The following RAPGEF1 variants were observed in gnomAD, a reference collection of about 807,000 sequenced individuals.
RAPGEF1 encodes the protein Rap guanine nucleotide exchange factor 1.
In RAPGEF1, 33 loss-of-function variants were observed where a neutral mutation model predicts 143.3. The ratio of observed to expected loss-of-function variants is 0.23; its 90% CI spans 0.17 to 0.31. RAPGEF1 has a LOEUF of 0.31. RAPGEF1 is among the 10% of genes least tolerant of loss of function. The probability of loss-of-function intolerance (pLI) is 1.00; values close to 1 mark genes in which losing one functional copy is unlikely to be tolerated. For synonymous variants in RAPGEF1, 629 were observed against 676.5 expected (o/e 0.93, Z 1.09); for missense variants, 1,199 against 1,645.4 (o/e 0.73, Z 4.69).
At chr9:131,589,382 C>T (rs571843172) in intron 19 of RAPGEF1, among the ~76,000 whole-genome samples, 35 of 152,354 alleles carry the variant, frequency 2.3e-4, no homozygotes, top group African/African-American at 7.2e-4. Context: ...ACTGTCCACA[C>T]GTGGCCATTT....
Position 131,641,537 on chromosome 9 carries a change from T to A in RAPGEF1, c.494+1702A>T, listed in dbSNP as rs1386483440. On this transcript the variant is annotated intron_variant, in intron 4 of 26. Coordinates refer to ENST00000683357, the MANE Select transcript of RAPGEF1 (RefSeq NM_001377935.1). This position sits in a 1 kb window ranked among gnomAD's most constrained non-coding sequence, Gnocchi z 4.6. ...AAACTCCAACACAGCTTCCTCCCTG[T>A]ACCGTAAAATAAGTGCTTTATCGTA... 6.6e-6 allele frequency among the ~76,000 whole-genome samples: 1 copy of A among 152,218 alleles called. No individual in the cohort carries two copies. The highest frequency in any genetic ancestry group is 1.5e-5 in the Non-Finnish European group (1 of 68,040).
intron 1 of RAPGEF1, among the ~76,000 whole-genome samples, chr9:131,723,815 A>G (rs1836441799): frequency 6.6e-6 from 1 of 152,118 alleles, no homozygotes; most frequent in Non-Finnish European, 1.5e-5. Context: ...TTGCTGGATC[A>G]TGTGGTAGTT....
chr9:131,664,227 T>TAC lies in RAPGEF1; in HGVS notation c.62-13280_62-13279dup, dbSNP rs540249882. The stretch of plus-strand genomic sequence containing the variant: ...CTCCAGAATCACCCCGTACCTTCCC[T>TAC]ACCCCATTTCTCCAGGAAATCAGCT... On this transcript the variant is annotated intron_variant, in intron 1 of 26. Coordinates refer to ENST00000683357, the MANE Select transcript of RAPGEF1 (RefSeq NM_001377935.1). Among the ~76,000 whole-genome samples, 19 of 152,278 alleles carry TAC rather than the reference T, an allele frequency of 1.2e-4. No individual in the cohort carries two copies. In the East Asian group the frequency reaches 3.7e-3, roughly 29 times the overall value.
At chr9:131,601,047 CTG>C (rs1956185333) in intron 15 of RAPGEF1, among the ~76,000 whole-genome samples, 2 of 151,958 alleles carry the variant, frequency 1.3e-5, no homozygotes, top group African/African-American at 2.4e-5. Flanking sequence ...TGGCACATGC[CTG>C]TAGTCCCAGC....
chr9:131,680,247 C>T (rs372400305), intron 1 of RAPGEF1, among the ~76,000 whole-genome samples: 21 of 152,340 alleles, frequency 1.4e-4, no homozygotes, highest in African/African-American at 5.1e-4. Context: ...TGTCTTACCA[C>T]TTTTTTCTAC....
At chr9:131,648,997 C>A (rs936318224) in intron 3 of RAPGEF1, among the ~76,000 whole-genome samples, 2 of 151,970 alleles carry the variant, frequency 1.3e-5, no homozygotes, top group Admixed American at 6.6e-5. Context: ...TATCTGTCTA[C>A]AAGGTTTATT....
rs1837646384 is a variant in RAPGEF1 at position 131,739,960 on chromosome 9, G to C, written c.-130C>G. On this transcript the variant is annotated 5_prime_UTR_variant, in exon 1 of 27. Coordinates refer to ENST00000683357, the MANE Select transcript of RAPGEF1 (RefSeq NM_001377935.1). ...GCGCGGCCGCGGCCCTGCGCTCGGC[G>C]ACCGCGCTCCAGCCCGCCCGGGCCC... 1.2e-5 allele frequency: 5 copies of C among 425,642 alleles called. No individual in the cohort carries two copies. The South Asian group carries it at 4.8e-4, about 41-fold the overall frequency. The allele number at this position is 425,642 out of a possible 1,614,324, so 26.4% of individuals were successfully genotyped here. A position where few individuals can be genotyped will look rare whatever the true frequency, so the allele number is the denominator to read the frequency against.
At chr9:131,656,479 A>G (rs1242555077) in intron 1 of RAPGEF1, among the ~76,000 whole-genome samples, 2 of 152,164 alleles carry the variant, frequency 1.3e-5, no homozygotes, top group Admixed American at 1.3e-4. Flanking sequence ...AATCCATGTG[A>G]CTTGTATCCT....
intron 1 of RAPGEF1, among the ~76,000 whole-genome samples, chr9:131,706,812 T>C (rs924647823): frequency 6.6e-6 from 1 of 152,194 alleles, no homozygotes; most frequent in African/African-American, 2.4e-5. Context: ...GCCAAAGATG[T>C]GCTCCTGGTC....
At chr9:131,737,255 T>G (rs1239090171) in intron 1 of RAPGEF1, 2 of 1,308,626 alleles carry the variant, frequency 1.5e-6, no homozygotes, top group African/African-American at 2.9e-5. Context: ...TCCCACACTT[T>G]CCGCAGCTCC....
intron 5 of RAPGEF1, 40 bp downstream of exon 5, chr9:131,638,595 T>C (rs1176646325): frequency 6.2e-7 from 1 of 1,607,398 alleles, no homozygotes; most frequent in Non-Finnish European, 8.5e-7. Context: ...CAGGCTGCTC[T>C]AAGTCCCTGA....
chr9:131,724,590 G>C (rs931199096), intron 1 of RAPGEF1, among the ~76,000 whole-genome samples: 3 of 151,952 alleles, frequency 2.0e-5, no homozygotes, highest in African/African-American at 7.2e-5. Context: ...GCGAGATTCC[G>C]GCTCAGAAAA....
chr9:131,597,888 C>T (rs984921848), intron 16 of RAPGEF1, among the ~76,000 whole-genome samples: 1 of 152,300 alleles, frequency 6.6e-6, no homozygotes, highest in Non-Finnish European at 1.5e-5. Context: ...CACATGCAGG[C>T]TCTGTCTGCA....
At chr9:131,734,009 T>G (rs995217899) in intron 1 of RAPGEF1, among the ~76,000 whole-genome samples, 13 of 152,216 alleles carry the variant, frequency 8.5e-5, no homozygotes, top group Non-Finnish European at 1.9e-4. Context: ...TGCTATTTCT[T>G]ATCTCTCTAC....
In RAPGEF1 at chr9:131,682,427, T is replaced by C. The variant is rs539116576; in HGVS notation, c.62-31478A>G. ...CAGTAGATTTATGCTGCACAAAAGC[T>C]GTGAGCCTTCTGCCTGGGGAACCTC... On this transcript the variant is annotated intron_variant, in intron 1 of 26. Transcript: ENST00000683357. 6.6e-5 allele frequency among the ~76,000 whole-genome samples: 10 copies of C among 152,342 alleles called. No homozygotes were observed. In the South Asian group the frequency reaches 1.9e-3, roughly 28 times the overall value.
intron 1 of RAPGEF1, among the ~76,000 whole-genome samples, chr9:131,662,961 G>T (rs79731434): frequency 6.6e-6 from 1 of 151,974 alleles, no homozygotes; most frequent in Admixed American, 6.5e-5. Context: ...GAGCCTCCAC[G>T]CCTGGTTCCA....
chr9:131,610,715 A>G (rs985628469), intron 12 of RAPGEF1, among the ~76,000 whole-genome samples: 9 of 152,374 alleles, frequency 5.9e-5, no homozygotes, highest in African/African-American at 2.2e-4. Flanking sequence ...CGCTGGGCTC[A>G]GAGCACATAT....
intron 1 of RAPGEF1, among the ~76,000 whole-genome samples, chr9:131,719,778 G>T (rs1244638467): frequency 6.6e-6 from 1 of 151,792 alleles, no homozygotes; most frequent in East Asian, 1.9e-4. Context: ...TTTGAGATCT[G>T]AAAGAGTTAA....
At position 131,655,244 on chromosome 9, in the gene RAPGEF1, A is replaced by G. The variant is rs1972135313; in HGVS notation, c.62-4295T>C. 6.6e-6 allele frequency among the ~76,000 whole-genome samples: 1 copy of G among 152,236 alleles called. No homozygotes were observed. The highest frequency in any genetic ancestry group is 1.5e-5 in the Non-Finnish European group (1 of 68,036). On this transcript the variant is annotated intron_variant, in intron 1 of 26. Coordinates refer to ENST00000683357, the MANE Select transcript of RAPGEF1 (RefSeq NM_001377935.1). The surrounding 1 kb of genome is among the most constrained non-coding windows in gnomAD (Gnocchi z 4.1). ...AGAGAAAAGCCAGGGCCTGACCCGC[A>G]TTCACATGTGGTCAAACCAAACAGC...
Sources: gnomAD v4.1 joint callset for allele counts (sites outside exome capture counted in the v4.1 genomes callset) on GRCh38, gnomAD v4.1.1 for gene constraint, Gnocchi (gnomAD v3.1) non-coding constraint, MANE v1.5 for transcripts, NCBI Gene and HGNC (gene_info 2026-07-23, HGNC 2026-07-21) for gene names.